SDK1: variants seen among roughly 807,000 people sequenced by gnomAD.
SDK1 encodes protein sidekick-1.
A neutral mutation model predicts 245.5 loss-of-function variants in SDK1; 157 were observed. That is an observed-to-expected ratio of 0.64 (90% CI 0.56 to 0.73). SDK1 has a LOEUF of 0.73. Ranked by LOEUF, SDK1 falls within the 30% of genes least tolerant of loss-of-function variation. The pLI is 0.00. For synonymous variants in SDK1, 1,647 were observed against 1,278.5 expected, an observed-to-expected ratio of 1.29 and a Z score of -6.15; for missense variants, 3,583 against 3,002.3, an observed-to-expected ratio of 1.19 and a Z score of -4.52.
At chr7:3,701,821 A>G (rs1440863574) in intron 4 of SDK1, among the ~76,000 whole-genome samples, 1 of 151,998 alleles carries the variant, frequency 6.6e-6, no homozygotes, top group African/African-American at 2.4e-5. Context: ...ATAGGCCCAC[A>G]TAAGTACAGC....
At position 3,949,180 on chromosome 7, in the gene SDK1, A is replaced by C. The variant is rs183124724; in HGVS notation, c.848-1743A>C. Among the ~76,000 whole-genome samples the C allele has an allele frequency of 2.0e-5, 3 of 152,336 alleles. No homozygotes were observed. In the South Asian group the frequency reaches 6.2e-4, roughly 32 times the overall value. On this transcript the variant is annotated intron_variant, in intron 5 of 44. Coordinates refer to ENST00000404826, the MANE Select transcript of SDK1 (RefSeq NM_152744.4). ...GGTCCGCTGCAGAGTTGGAGAGTCT[A>C]GAGATGGGGAAGGCTGCCTCAGCCC... is the stretch of plus-strand genomic sequence containing the variant.
chr7:3,688,258 G>T (rs1429505205), intron 4 of SDK1, among the ~76,000 whole-genome samples: 1 of 152,224 alleles, frequency 6.6e-6, no homozygotes, highest in African/African-American at 2.4e-5. Flanking sequence ...GAGCAATGAA[G>T]TGTAGATCCA....
intron 1 of SDK1, among the ~76,000 whole-genome samples, chr7:3,464,139 A>G (rs1204089633): frequency 1.3e-5 from 2 of 152,238 alleles, no homozygotes; most frequent in Admixed American, 6.5e-5. Flanking sequence ...ACACTGACGC[A>G]TCGTTCCCTG....
chr7:3,643,048 C>A (rs1177130922), intron 4 of SDK1: 1 of 152,298 alleles, frequency 6.6e-6, no homozygotes, highest in Admixed American at 6.5e-5. Context: ...TCTCCCCTAC[C>A]TGAGCATCTG....
chr7:3,963,786 G>A (rs1377667965), intron 9 of SDK1, among the ~76,000 whole-genome samples: 1 of 152,040 alleles, frequency 6.6e-6, no homozygotes, highest in Non-Finnish European at 1.5e-5. Flanking sequence ...CAGGCTCACA[G>A]CTACCTGACC....
At chr7:3,819,411 A>G (rs1278617177) in intron 4 of SDK1, among the ~76,000 whole-genome samples, 1 of 152,136 alleles carries the variant, frequency 6.6e-6, no homozygotes, top group Admixed American at 6.5e-5. Flanking sequence ...ATTCATGGAT[A>G]TTTTATAAGG....
At chr7:3,950,162 A>G (rs1780743803) in intron 5 of SDK1, among the ~76,000 whole-genome samples, 1 of 152,234 alleles carries the variant, frequency 6.6e-6, no homozygotes, top group African/African-American at 2.4e-5. Context: ...AGGCCCGGTA[A>G]CCATGCCCGG....
At chr7:4,244,885 C>T (rs910006636) in intron 43 of SDK1, among the ~76,000 whole-genome samples, 7 of 152,204 alleles carry the variant, frequency 4.6e-5, no homozygotes, top group African/African-American at 1.4e-4. Context: ...CTCATGGTCC[C>T]CTGCCATGGG....
At chr7:4,254,141 T>G (rs1345611050) in intron 44 of SDK1, among the ~76,000 whole-genome samples, 2 of 152,154 alleles carry the variant, frequency 1.3e-5, no homozygotes, top group African/African-American at 4.8e-5. Context: ...ATTAATGATT[T>G]TTATCAAATT....
intron 5 of SDK1, among the ~76,000 whole-genome samples, chr7:3,876,564 A>G (rs756688077): frequency 6.6e-6 from 1 of 152,226 alleles, no homozygotes; most frequent in Non-Finnish European, 1.5e-5. Flanking sequence ...TTAAAATGTA[A>G]AAACAGGCAT....
chr7:4,261,147 G>C (rs1170215110), intron 44 of SDK1, among the ~76,000 whole-genome samples: 4 of 152,162 alleles, frequency 2.6e-5, no homozygotes, highest in African/African-American at 4.8e-5. Context: ...TTTCTGCACA[G>C]CCTGGAGGCT....
intron 17 of SDK1, among the ~76,000 whole-genome samples, chr7:4,041,824 T>C (rs985874161): frequency 1.5e-5 from 2 of 136,330 alleles, no homozygotes; most frequent in Non-Finnish European, 3.0e-5. Flanking sequence ...AATTTTTTTT[T>C]TCTTTTTTGT....
chr7:3,476,244 C>G (rs1213355983), intron 1 of SDK1, among the ~76,000 whole-genome samples: 2 of 152,186 alleles, frequency 1.3e-5, no homozygotes, highest in East Asian at 3.8e-4. Flanking sequence ...TTATGGCTTT[C>G]TTTAATGCCA....
At chr7:3,797,508 G>A (rs1315857930) in intron 4 of SDK1, among the ~76,000 whole-genome samples, 2 of 149,182 alleles carry the variant, frequency 1.3e-5, no homozygotes, top group African/African-American at 2.5e-5. Context: ...TTTTATTGCC[G>A]ATGTTTTAAA....
intron 4 of SDK1, among the ~76,000 whole-genome samples, chr7:3,650,244 T>C (rs753390148): frequency 2.6e-5 from 4 of 152,128 alleles, no homozygotes; most frequent in Non-Finnish European, 4.4e-5. Flanking sequence ...CACTTTTAAG[T>C]ATAGTTAGTG....
At position 4,045,599 on chromosome 7, in the gene SDK1, G is replaced by T. The variant is rs74713369; in HGVS notation, c.2603-3749G>T. ...ATGTCTTGTGCACAGTTACCCGGGG[G>T]CAGGATTACCGGGTCACGTGGCTCG... On this transcript the variant is annotated intron_variant, in intron 17 of 44. Coordinates refer to ENST00000404826, the MANE Select transcript of SDK1 (RefSeq NM_152744.4). Among the ~76,000 whole-genome samples, 1,050 of 152,228 alleles carry T rather than the reference G, an allele frequency of 6.9e-3. 5 individuals are homozygous for T. Among genetic ancestry groups the T allele is most frequent in the African/African-American group, 0.025 (1,029 of 41,540 alleles).
At chr7:4,077,321 T>G in intron 21 of SDK1, 132 bp downstream of exon 21, 1 of 824,730 alleles carries the variant, frequency 1.2e-6, no homozygotes, top group Non-Finnish European at 1.9e-6. Context: ...CCTGCCAAGA[T>G]GCTGGAGGGT....
chr7:3,856,034 C>CATTA (rs761938497), intron 5 of SDK1, among the ~76,000 whole-genome samples: 17 of 152,078 alleles, frequency 1.1e-4, no homozygotes, highest in Non-Finnish European at 1.9e-4. Flanking sequence ...TTATTGATAG[C>CATTA]ATTAATACAG....
chr7:4,090,435 TATC>T (rs1300543659), intron 22 of SDK1, among the ~76,000 whole-genome samples: 1 of 152,210 alleles, frequency 6.6e-6, no homozygotes, highest in African/African-American at 2.4e-5. Context: ...TTCCATTAAT[TATC>T]ATCAGTGTGG....
Sources: gnomAD v4.1 joint callset for allele counts (sites outside exome capture counted in the v4.1 genomes callset) on GRCh38, gnomAD v4.1.1 for gene constraint, MANE v1.5 for transcripts, NCBI Gene and HGNC (gene_info 2026-07-23, HGNC 2026-07-21) for gene names.